SCNN1B: variants seen among roughly 807,000 people sequenced by gnomAD.
SCNN1B encodes the protein epithelial sodium channel subunit beta.
In SCNN1B, 46 loss-of-function variants were observed where a neutral mutation model predicts 65.3. That is an observed-to-expected ratio of 0.70 (90% CI 0.56 to 0.90). SCNN1B has a LOEUF of 0.90. Ranked by LOEUF, SCNN1B falls within the 40% of genes least tolerant of loss-of-function variation. SCNN1B has a pLI of 0.00. For synonymous variants in SCNN1B, 349 were observed against 330.6 expected, an observed-to-expected ratio of 1.06 and a Z score of -0.60; for missense variants, 751 against 830.5, an observed-to-expected ratio of 0.90 and a Z score of 1.18.
upstream of SCNN1B, among the ~76,000 whole-genome samples, chr16:23,301,439 A>G (rs1961082636): frequency 6.7e-6 from 1 of 150,008 alleles, no homozygotes; most frequent in South Asian, 2.1e-4. Flanking sequence ...GAAAGAAAGG[A>G]AAGAGAAAGA....
At chr16:23,333,777 G>C (rs578234710) in intron 1 of SCNN1B, among the ~76,000 whole-genome samples, 1 of 152,126 alleles carries the variant, frequency 6.6e-6, no homozygotes, top group Non-Finnish European at 1.5e-5. Context: ...TTTGAGACCA[G>C]CCTGGGCAAT....
rs1441691474 is a variant in SCNN1B at position 23,343,598 on chromosome 16, A to AGAAAGAAAGAAG, written c.-8-4983_-8-4982insGGAAAGAAAGAA. On this transcript the variant is annotated intron_variant, in intron 1 of 12. Coordinates refer to ENST00000343070, the MANE Select transcript of SCNN1B (RefSeq NM_000336.3). ...AAGAAAAAGAGAAAGAAAGAAAGAA[A>AGAAAGAAAGAAG]GAAAGAAAGAAAGAAAGAAAGAAAG... 7.7e-5 allele frequency among the ~76,000 whole-genome samples: 8 copies of AGAAAGAAAGAAG among 104,186 alleles called. No individual in the cohort carries two copies. The East Asian group carries it at 1.8e-3, about 23-fold the overall frequency. The allele number at this position is 104,186 out of a possible 152,430, so 68.4% of individuals were successfully genotyped here. A position where few individuals can be genotyped will look rare whatever the true frequency, so the allele number is the denominator to read the frequency against.
intron 1 of SCNN1B, among the ~76,000 whole-genome samples, chr16:23,343,527 AGAAAGAGGGAGGGAGGGAG>A (rs1596854487): frequency 1.5e-5 from 2 of 132,258 alleles, no homozygotes; most frequent in African/African-American, 3.0e-5. Flanking sequence ...GAAGGAAGGA[AGAAAGAGGGAGGGAGGGAG>A]GGAAGGAAGG....
chr16:23,354,647 G>C (rs56370833), intron 3 of SCNN1B, among the ~76,000 whole-genome samples: 4 of 152,244 alleles, frequency 2.6e-5, no homozygotes, highest in Admixed American at 6.5e-5. Flanking sequence ...GGTCTTCATG[G>C]CCTCCAGGGG....
At chr16:23,325,557 G>A (rs1342748179) in intron 1 of SCNN1B, among the ~76,000 whole-genome samples, 6 of 141,898 alleles carry the variant, frequency 4.2e-5, no homozygotes, top group Non-Finnish European at 7.4e-5. Context: ...ATGAGCCACC[G>A]TGCCCAGCCT....
chr16:23,342,666 GAA>G (rs112725905), intron 1 of SCNN1B, among the ~76,000 whole-genome samples: 1 of 148,478 alleles, frequency 6.7e-6, no homozygotes, highest in Non-Finnish European at 1.5e-5. Context: ...GATGAGCTAA[GAA>G]AAAAAAAAAT....
rs767837729 is a variant in SCNN1B at position 23,355,283 on chromosome 16, C to G, written c.586-16C>G. On this transcript the variant is annotated splice_polypyrimidine_tract_variant and intron_variant, in intron 3 of 12. Transcript: ENST00000343070. ...GCTCCCACGCCACCCACAAAAACCC[C>G]TCTTGGCCTCCACAGTGTAGCCTCA... 1 of 1,614,014 alleles carries G rather than the reference C, an allele frequency of 6.2e-7. No homozygotes were observed. The highest frequency in any genetic ancestry group is 8.5e-7 in the Non-Finnish European group (1 of 1,179,976).
At chr16:23,342,904 T>C (rs1962082724) in intron 1 of SCNN1B, among the ~76,000 whole-genome samples, 1 of 152,190 alleles carries the variant, frequency 6.6e-6, no homozygotes, top group Middle Eastern at 3.2e-3. Flanking sequence ...GAGTTTTCTT[T>C]AGGGGAAATA....
intron 4 of SCNN1B, among the ~76,000 whole-genome samples, chr16:23,357,445 T>G (rs1316139961): frequency 1.3e-5 from 2 of 151,780 alleles, no homozygotes; most frequent in East Asian, 3.9e-4. Flanking sequence ...TAACCGGGAG[T>G]GGTGGTGCAC....
chr16:23,373,811 C>T (rs1330183423), intron 7 of SCNN1B, among the ~76,000 whole-genome samples: 2 of 152,128 alleles, frequency 1.3e-5, no homozygotes, highest in African/African-American at 2.4e-5. Flanking sequence ...GAACTCTAGC[C>T]GTCATCTGAG....
chr16:23,295,065 C>T (rs1411275908), intron 2 of SCNN1B, among the ~76,000 whole-genome samples: 2 of 152,100 alleles, frequency 1.3e-5, no homozygotes, highest in Admixed American at 1.3e-4. Context: ...TCTGTATAGC[C>T]ATTATTACCA....
At chr16:23,319,276 G>C (rs2141992763) in intron 1 of SCNN1B, among the ~76,000 whole-genome samples, 1 of 152,198 alleles carries the variant, frequency 6.6e-6, no homozygotes, top group Middle Eastern at 3.4e-3. Flanking sequence ...TTAATCTCCT[G>C]ACCTCGTGAT....
intron 1 of SCNN1B, among the ~76,000 whole-genome samples, chr16:23,337,517 A>T (rs1961968954): frequency 6.6e-6 from 1 of 151,622 alleles, no homozygotes; most frequent in African/African-American, 2.4e-5. Flanking sequence ...AGCTGGAATT[A>T]TAGGCACCTG....
Position 23,380,511 on chromosome 16 carries a change from A to T in SCNN1B, c.1633A>T (p.Ile545Phe). ...CCTCATCGAGTTTGGGGAGATCATC[A>T]TCGACTTTGTGTGGATCACCATCAT... ...LCLIEFGEII[I>F]DFVWITIIKL... The change falls in exon 13 of 13, where the codon ATC becomes TTC. Residue 545 changes from isoleucine (I) to phenylalanine (F), a missense_variant. Physicochemically the swap from Ile to Phe is conservative, Grantham distance 21 (BLOSUM62 0). Coordinates refer to ENST00000343070, the MANE Select transcript of SCNN1B (RefSeq NM_000336.3). The surrounding 1 kb of genome is among the most constrained non-coding windows in gnomAD (Gnocchi z 5.4). 1 of 1,614,216 alleles carries T rather than the reference A, an allele frequency of 6.2e-7. No homozygotes were observed. The highest frequency in any genetic ancestry group is 1.1e-5 in the South Asian group (1 of 91,092).
upstream of SCNN1B, among the ~76,000 whole-genome samples, chr16:23,297,395 C>T (rs1425867889): frequency 6.6e-6 from 1 of 152,196 alleles, no homozygotes; most frequent in Non-Finnish European, 1.5e-5. Context: ...GGCCAGGAGT[C>T]TTTTGGTTGC....
intron 11 of SCNN1B, 99 bp downstream of exon 11, chr16:23,378,866 A>C: frequency 2.2e-4 from 257 of 1,143,852 alleles, no homozygotes; most frequent in Non-Finnish European, 2.9e-4. Flanking sequence ...ACACATTCTC[A>C]CATGGGTCAG....
chr16:23,325,330 G>A (rs1488483094), intron 1 of SCNN1B, among the ~76,000 whole-genome samples: 5 of 151,674 alleles, frequency 3.3e-5, no homozygotes, highest in Non-Finnish European at 5.9e-5. Context: ...ACGGTGGTGC[G>A]ATCTCAGCTC....
In SCNN1B at chr16:23,353,082, G is replaced by A; in HGVS notation, c.585+8G>A. 1 of 1,614,078 alleles carries A rather than the reference G, an allele frequency of 6.2e-7. No homozygotes were observed. The highest frequency in any genetic ancestry group is 8.5e-7 in the Non-Finnish European group (1 of 1,180,030). ...AAAATGGCCATGAGACTAGTAAGTG[G>A]TCCCTGGGCACATATCAAGCAATGG... is the stretch of plus-strand genomic sequence containing the variant. On this transcript the variant is annotated splice_region_variant and intron_variant, in intron 3 of 12. Coordinates refer to ENST00000343070, the MANE Select transcript of SCNN1B (RefSeq NM_000336.3).
At chr16:23,366,653 A>G (rs921147940) in intron 4 of SCNN1B, among the ~76,000 whole-genome samples, 12 of 151,856 alleles carry the variant, frequency 7.9e-5, no homozygotes, top group African/African-American at 2.9e-4. Context: ...AGAATCGCTG[A>G]GATTCTCCTC....
Sources: allele counts gnomAD v4.1 joint callset (sites outside exome capture counted in the v4.1 genomes callset), GRCh38; gene constraint gnomAD v4.1.1; non-coding constraint Gnocchi (gnomAD v3.1); transcripts MANE v1.5; gene names NCBI Gene and HGNC (gene_info 2026-07-23, HGNC 2026-07-21).